SKAP2: variants seen among roughly 807,000 people sequenced by gnomAD.
SKAP2 encodes the protein src kinase-associated phosphoprotein 2.
Under a neutral mutation model 54.9 loss-of-function variants are expected in SKAP2, and 28 were observed. The ratio of observed to expected loss-of-function variants is 0.51; its 90% CI spans 0.38 to 0.70. The LOEUF is 0.70. Among genes scored for constraint, SKAP2 ranks in the 30% least tolerant of loss-of-function variants. The pLI is 0.00. For missense variants in SKAP2, 356 were observed against 424.1 expected (o/e 0.84, Z 1.41); for synonymous variants, 137 against 134.3 (o/e 1.02, Z -0.14).
intron 4 of SKAP2, among the ~76,000 whole-genome samples, chr7:26,823,510 T>A (rs948578093): frequency 7.3e-5 from 11 of 151,068 alleles, no homozygotes; most frequent in African/African-American, 2.7e-4. Context: ...GGCTAGAAGA[T>A]TAAACCAGCT....
chr7:26,725,508 T>TCATCA lies in SKAP2; in HGVS notation c.711_715dup (p.Asp239ValfsTer10). ...GCTTATTGGTAGAGGATGATCAACATCATCATATAATTCTCCTCTCTCATC... is the reference window on the plus strand; with the variant it reads ...GCTTATTGGTAGAGGATGATCAACATCATCACATCATATAATTCTCCTCTCTCATC... On this transcript the variant is annotated frameshift_variant, in exon 9 of 13. Coordinates refer to ENST00000345317, the MANE Select transcript of SKAP2 (RefSeq NM_003930.5). LOFTEE classifies it high-confidence loss of function. 1 of 1,611,732 alleles carries TCATCA rather than the reference T, an allele frequency of 6.2e-7. No homozygotes were observed. The highest frequency in any genetic ancestry group is 8.5e-7 in the Non-Finnish European group (1 of 1,179,212).
chr7:26,773,411 T>TA (rs886297216), intron 4 of SKAP2, among the ~76,000 whole-genome samples: 1 of 152,232 alleles, frequency 6.6e-6, no homozygotes, highest in African/African-American at 2.4e-5. Context: ...CTTGGTATGT[T>TA]ACAGGCTTTT....
intron 4 of SKAP2, among the ~76,000 whole-genome samples, chr7:26,785,410 T>C (rs964878922): frequency 2.0e-5 from 3 of 151,994 alleles, no homozygotes; most frequent in Non-Finnish European, 4.4e-5. Flanking sequence ...ATGGTCTCGA[T>C]CTCCTGACCT....
chr7:26,715,519 G>A (rs1014996791), intron 9 of SKAP2, among the ~76,000 whole-genome samples: 32 of 152,138 alleles, frequency 2.1e-4, no homozygotes, highest in Non-Finnish European at 4.7e-4. Context: ...GCTCAAGCCT[G>A]TAATCGCAGC....
chr7:26,819,093 A>C (rs987709449), intron 4 of SKAP2, among the ~76,000 whole-genome samples: 28 of 152,188 alleles, frequency 1.8e-4, no homozygotes, highest in African/African-American at 6.5e-4. Flanking sequence ...AAGGCTTATA[A>C]ATCATTCTAC....
chr7:26,834,408 T>C (rs1408377138), intron 4 of SKAP2, among the ~76,000 whole-genome samples: 1 of 152,106 alleles, frequency 6.6e-6, no homozygotes, highest in Non-Finnish European at 1.5e-5. Context: ...ATTCAGGAGC[T>C]GGTGTTTTGA....
intron 4 of SKAP2, among the ~76,000 whole-genome samples, chr7:26,760,012 TAAGTA>T (rs1033325445): frequency 2.0e-5 from 3 of 151,898 alleles, no homozygotes; most frequent in Non-Finnish European, 4.4e-5. Flanking sequence ...AACAATACTT[TAAGTA>T]AAGTGCTCTG....
At chr7:26,812,828 T>C (rs1043664344) in intron 4 of SKAP2, among the ~76,000 whole-genome samples, 27 of 149,222 alleles carry the variant, frequency 1.8e-4, no homozygotes, top group Non-Finnish European at 3.0e-5. Flanking sequence ...CATAAAACCA[T>C]GCTTTTTTAA....
chr7:26,694,391 G>C (rs1041234717), intron 9 of SKAP2, among the ~76,000 whole-genome samples: 2 of 151,738 alleles, frequency 1.3e-5, no homozygotes, highest in African/African-American at 2.4e-5. Flanking sequence ...CCTCTCAGCT[G>C]CAGCACAAAA....
chr7:26,799,109 GCAAGA>G (rs1214453060), intron 4 of SKAP2, among the ~76,000 whole-genome samples: 6 of 137,032 alleles, frequency 4.4e-5, no homozygotes, highest in Admixed American at 1.5e-4. Flanking sequence ...GCAAGGCAAG[GCAAGA>G]CAAGGCAAGG....
At chr7:26,811,896 AT>A (rs1784154194) in intron 4 of SKAP2, among the ~76,000 whole-genome samples, 1 of 152,214 alleles carries the variant, frequency 6.6e-6, no homozygotes, top group Admixed American at 6.5e-5. Flanking sequence ...ATTACATCAA[AT>A]TCCCATAATT....
intron 4 of SKAP2, among the ~76,000 whole-genome samples, chr7:26,761,312 T>C (rs1290996365): frequency 6.6e-6 from 1 of 152,204 alleles, no homozygotes. Flanking sequence ...ATAATAAATC[T>C]GTAATGTCAA....
Position 26,766,336 on chromosome 7 carries a change from T to C in SKAP2, c.308-26372A>G, listed in dbSNP as rs373497098. 1.5e-4 allele frequency among the ~76,000 whole-genome samples: 23 copies of C among 152,364 alleles called. 1 individual carries two copies. The East Asian group carries it at 3.3e-3, about 22-fold the overall frequency. On this transcript the variant is annotated intron_variant, in intron 4 of 12. Coordinates refer to ENST00000345317, the MANE Select transcript of SKAP2 (RefSeq NM_003930.5). Reference sequence around the variant, plus strand: ...ACATTGATTTTGTATCCTGAGACTTTGTTGAAGTTGCTTATCAGCTTAAGG... The same window carrying C: ...ACATTGATTTTGTATCCTGAGACTTCGTTGAAGTTGCTTATCAGCTTAAGG...
At chr7:26,770,640 T>C (rs952257797) in intron 4 of SKAP2, among the ~76,000 whole-genome samples, 6 of 152,146 alleles carry the variant, frequency 3.9e-5, no homozygotes, top group Non-Finnish European at 7.4e-5. Context: ...GGGAAAAGTA[T>C]AGTATCTGGG....
intron 4 of SKAP2, among the ~76,000 whole-genome samples, chr7:26,749,871 G>A (rs866761038): frequency 5.9e-5 from 9 of 151,544 alleles, no homozygotes; most frequent in South Asian, 2.1e-4. Context: ...GCTTAAATAT[G>A]TTTTTTAAGC....
intron 1 of SKAP2, chr7:26,855,107 C>T: frequency 3.0e-6 from 1 of 335,210 alleles, no homozygotes; most frequent in East Asian, 5.1e-5. Flanking sequence ...GTAAGTTCTA[C>T]TTATGCTTAC....
At chr7:26,852,894 T>C (rs1438450653) in intron 3 of SKAP2, among the ~76,000 whole-genome samples, 2 of 152,172 alleles carry the variant, frequency 1.3e-5, no homozygotes, top group Non-Finnish European at 2.9e-5. Flanking sequence ...TAAAGTATAC[T>C]ACATAATAAA....
At chr7:26,731,044 A>G (rs1787814708) in intron 6 of SKAP2, among the ~76,000 whole-genome samples, 1 of 152,228 alleles carries the variant, frequency 6.6e-6, no homozygotes, top group Non-Finnish European at 1.5e-5. Context: ...TCACACAAAT[A>G]GTAAACAGTA....
At chr7:26,804,279 T>A (rs1053141608) in intron 4 of SKAP2, among the ~76,000 whole-genome samples, 3 of 152,098 alleles carry the variant, frequency 2.0e-5, no homozygotes, top group Admixed American at 6.6e-5. Context: ...AAAATAATTT[T>A]AAAAAAATTT....
Sources: allele counts gnomAD v4.1 joint callset (sites outside exome capture counted in the v4.1 genomes callset), GRCh38; gene constraint gnomAD v4.1.1; transcripts MANE v1.5; gene names NCBI Gene and HGNC (gene_info 2026-07-23, HGNC 2026-07-21).